The following ARG1 variants were observed in gnomAD, a reference collection of about 807,000 sequenced individuals.
ARG1 encodes the protein arginase 1, also known as arginase-1.
ARG1 carries 20 observed loss-of-function variants against 33.0 expected under a neutral mutation model. The ratio of observed to expected loss-of-function variants is 0.61; its 90% CI spans 0.43 to 0.88. The LOEUF (loss-of-function observed/expected upper bound fraction) is 0.88, where lower values mean the gene tolerates loss of function less well. Among genes scored for constraint, ARG1 ranks in the 40% least tolerant of loss-of-function variants. ARG1 has a pLI of 0.00. For synonymous variants in ARG1, 146 were observed against 140.6 expected (o/e 1.04, Z -0.27); for missense variants, 374 against 384.7 (o/e 0.97, Z 0.23).
chr6:131,575,729 C>T (rs1049922650), intron 1 of ARG1, among the ~76,000 whole-genome samples: 1 of 152,180 alleles, frequency 6.6e-6, no homozygotes, highest in Non-Finnish European at 1.5e-5. Flanking sequence ...CAGAAAGATA[C>T]AGAAAGGAAC....
rs1773464293 is a variant in ARG1 at position 131,573,243 on chromosome 6, G to T, written c.-40G>T. The T allele has an allele frequency of 1.2e-6, 2 of 1,612,286 alleles. No individual in the cohort carries two copies. Among genetic ancestry groups the T allele is most frequent in the African/African-American group, 1.3e-5 (1 of 74,978 alleles). On this transcript the variant is annotated 5_prime_UTR_variant, in exon 1 of 8. Coordinates refer to ENST00000368087, the MANE Select transcript of ARG1 (RefSeq NM_000045.4). The stretch of plus-strand genomic sequence containing the variant: ...CGCCCTCTGTCACTGAGGGTTGACT[G>T]ACTGGAGAGCTCAAGTGCAGCAAAG...
At chr6:131,581,145 G>A in intron 3 of ARG1, 74 bp from the exon 4 acceptor site, 1 of 1,460,824 alleles carries the variant, frequency 6.8e-7, no homozygotes, top group South Asian at 1.1e-5. Context: ...CCAAGTGGGA[G>A]CATTGAGTGA....
At chr6:131,581,067 T>C in intron 3 of ARG1, 152 bp from the exon 4 acceptor site, 1 of 736,500 alleles carries the variant, frequency 1.4e-6, no homozygotes, top group Non-Finnish European at 2.4e-6. Context: ...TTCTCTATTG[T>C]TTTAACTAAT....
At chr6:131,581,795 CAT>C (rs1246333224) in intron 4 of ARG1, among the ~76,000 whole-genome samples, 1 of 152,126 alleles carries the variant, frequency 6.6e-6, no homozygotes, top group African/African-American at 2.4e-5. Flanking sequence ...CCTTCTATAT[CAT>C]AGAGGCTTTT....
chr6:131,584,026 A>G lies in ARG1; in HGVS notation c.*118A>G. ...GTTCTTTCAGAAAAATGTTTTTCCA[A>G]TTAGTATAAACTCTACAAATTCCCT... On this transcript the variant is annotated 3_prime_UTR_variant, in exon 8 of 8. Transcript: ENST00000368087. 1 of 1,204,668 alleles carries G rather than the reference A, an allele frequency of 8.3e-7. No individual in the cohort carries two copies. 74.6% of individuals were successfully genotyped at this position (1,204,668 alleles called of 1,614,324 possible).
At chr6:131,583,538 A>AAT in intron 7 of ARG1, 47 bp downstream of exon 7, 1 of 1,578,904 alleles carries the variant, frequency 6.3e-7, no homozygotes, top group South Asian at 1.1e-5. Flanking sequence ...ACACTTGACT[A>AAT]ATATATATTT....
intron 4 of ARG1, among the ~76,000 whole-genome samples, chr6:131,581,820 T>G (rs1773941350): frequency 6.6e-6 from 1 of 152,186 alleles, no homozygotes; most frequent in South Asian, 2.1e-4. Flanking sequence ...AAAAAGAAAT[T>G]TTAAAATTTC....
intron 1 of ARG1, 131 bp downstream of exon 1, chr6:131,573,470 A>G: frequency 1.2e-6 from 1 of 845,460 alleles, no homozygotes; most frequent in Non-Finnish European, 2.0e-6. Flanking sequence ...CATATTTTAA[A>G]GTCCTCTCAC....
At chr6:131,576,606 T>C in intron 1 of ARG1, 57 bp from the exon 2 acceptor site, 3 of 1,491,830 alleles carry the variant, frequency 2.0e-6, no homozygotes, top group South Asian at 1.1e-5. Flanking sequence ...GGGTTCCTGC[T>C]GTGAGCATCT....
At chr6:131,579,893 T>C (rs1773832098) in intron 3 of ARG1, among the ~76,000 whole-genome samples, 1 of 152,084 alleles carries the variant, frequency 6.6e-6, no homozygotes, top group Admixed American at 6.6e-5. Flanking sequence ...GTCTATGTTG[T>C]GTTCTCACTC....
chr6:131,582,731 GA>G lies in ARG1; in HGVS notation c.560+17del. 6.2e-7 allele frequency: 1 copy of G among 1,610,064 alleles called. No homozygotes were observed. The highest frequency in any genetic ancestry group is 8.5e-7 in the Non-Finnish European group (1 of 1,176,534). On this transcript the variant is annotated intron_variant, in intron 5 of 7. Coordinates refer to ENST00000368087, the MANE Select transcript of ARG1 (RefSeq NM_000045.4). ...CTGGGGAACAGTAAGCTTATTCCTT[GA>G]TGTGATTTGCCTCCATTTTTGTCCC...
chr6:131,577,572 T>C (rs1773680197), intron 2 of ARG1, among the ~76,000 whole-genome samples: 1 of 151,772 alleles, frequency 6.6e-6, no homozygotes, highest in South Asian at 2.1e-4. Context: ...ACAAAAAGTG[T>C]CACATCCATG....
At position 131,574,108 on chromosome 6, in the gene ARG1, G is replaced by A. The variant is rs1002381054; in HGVS notation, c.57+769G>A. On this transcript the variant is annotated intron_variant, in intron 1 of 7. Coordinates refer to ENST00000368087, the MANE Select transcript of ARG1 (RefSeq NM_000045.4). ...ACACTTATTCTAGTAAAGAGAGTGT[G>A]ATGACAGAACACCTTAGACTTCAAC... 17 of 727,564 alleles carry A rather than the reference G, an allele frequency of 2.3e-5. 1 individual carries two copies. Among genetic ancestry groups the A allele is most frequent in the Admixed American group, 1.9e-4 (9 of 48,150 alleles). The allele number at this position is 727,564 out of a possible 1,614,324, so 45.1% of individuals were successfully genotyped here.
At chr6:131,573,955 C>A (rs534237524) in intron 1 of ARG1, 8 of 360,568 alleles carry the variant, frequency 2.2e-5, no homozygotes, top group African/African-American at 4.1e-5. Flanking sequence ...GAAAGAAAAT[C>A]CTACTGCGGG....
At chr6:131,583,628 T>C in intron 7 of ARG1, 114 bp from the exon 8 acceptor site, 1 of 1,521,334 alleles carries the variant, frequency 6.6e-7, no homozygotes, top group Admixed American at 1.8e-5. Context: ...AACTAAAGTG[T>C]TTTCCATCGG....
Position 131,579,266 on chromosome 6 carries a change from G to A in ARG1, c.286G>A (p.Val96Met). The A allele has an allele frequency of 6.2e-7, 1 of 1,614,072 alleles. No individual in the cohort carries two copies. Residue 96 changes from valine (V) to methionine (M), a missense_variant, in exon 3 of 8, where the codon GTG (valine) becomes ATG (methionine). Coordinates refer to ENST00000368087, the MANE Select transcript of ARG1 (RefSeq NM_000045.4). ...EVKKNGRISL[V>M]LGGDHSLAIG... is the part of the protein sequence containing the mutation. Reference sequence around the variant, plus strand: ...CAAGAAGAACGGAAGAATCAGCCTGGTGCTGGGCGGAGACCACAGGTCTTG... The same window carrying A: ...CAAGAAGAACGGAAGAATCAGCCTGATGCTGGGCGGAGACCACAGGTCTTG...
At position 131,583,866 on chromosome 6, in the gene ARG1, G is replaced by A; in HGVS notation, c.927G>A (p.Glu309=). The part of the protein sequence containing the change: ...ITLACFGLAR[E]GNHKPIDYLN... ...TGGCTTGTTTCGGACTTGCTCGGGA[G>A]GGTAATCACAAGCCTATTGACTACC... Residue 309 remains glutamate (E), a synonymous_variant, in exon 8 of 8, where the codon GAG becomes GAA. Transcript: ENST00000368087. 1 of 1,614,126 alleles carries A rather than the reference G, an allele frequency of 6.2e-7. No homozygotes were observed. Among genetic ancestry groups the A allele is most frequent in the Non-Finnish European group, 8.5e-7 (1 of 1,180,016 alleles).
intron 1 of ARG1, among the ~76,000 whole-genome samples, chr6:131,573,756 A>G (rs928104544): frequency 6.6e-6 from 1 of 152,182 alleles, no homozygotes; most frequent in Non-Finnish European, 1.5e-5. Flanking sequence ...GCCTAGAAAA[A>G]TTTAATAGTT....
Position 131,573,308 on chromosome 6 carries a change from G to C in ARG1, c.26G>C (p.Gly9Ala). 1 of 1,614,008 alleles carries C rather than the reference G, an allele frequency of 6.2e-7. No individual in the cohort carries two copies. The highest frequency in any genetic ancestry group is 8.5e-7 in the Non-Finnish European group (1 of 1,179,970). The change falls in exon 1 of 8, where the codon GGG becomes GCG. Residue 9 changes from glycine (G) to alanine (A), a missense_variant. Gly to Ala is a moderately conservative substitution (Grantham distance 60, BLOSUM62 0). Coordinates refer to ENST00000368087, the MANE Select transcript of ARG1 (RefSeq NM_000045.4). The stretch of plus-strand genomic sequence containing the variant: ...ATGAGCGCCAAGTCCAGAACCATAG[G>C]GATTATTGGAGCTCCTTTCTCAAAG... The part of the protein sequence containing the change: MSAKSRTI[G>A]IIGAPFSKGQ...
Sources: gnomAD v4.1 joint callset for allele counts (sites outside exome capture counted in the v4.1 genomes callset) on GRCh38, gnomAD v4.1.1 for gene constraint, MANE v1.5 for transcripts, NCBI Gene and HGNC (gene_info 2026-07-23, HGNC 2026-07-21) for gene names.